Variants in SECISBP2L observed in about 807,000 individuals in gnomAD.
The protein encoded by SECISBP2L is SECIS binding protein 2 like, also known as selenocysteine insertion sequence-binding protein 2-like.
A neutral mutation model predicts 114.7 loss-of-function variants in SECISBP2L; 43 were observed. That is an observed-to-expected ratio of 0.38 (90% CI 0.29 to 0.48). The LOEUF (loss-of-function observed/expected upper bound fraction) is 0.48. Ranked by LOEUF, SECISBP2L falls within the 20% of genes least tolerant of loss-of-function variation. The pLI, the probability that SECISBP2L is intolerant of heterozygous loss-of-function variation, is 0.98. For synonymous variants in SECISBP2L, 451 were observed against 439.7 expected, an observed-to-expected ratio of 1.03 and a Z score of -0.32; for missense variants, 1,136 against 1,301.1, an observed-to-expected ratio of 0.87 and a Z score of 1.95.
chr15:49,001,310 T>C (rs1316938646), intron 14 of SECISBP2L, among the ~76,000 whole-genome samples: 1 of 152,352 alleles, frequency 6.6e-6, no homozygotes, highest in African/African-American at 2.4e-5. Flanking sequence ...GCATTTCAAA[T>C]AGATTTTTTT....
chr15:49,017,203 G>T, intron 9 of SECISBP2L, 188 bp from the exon 10 acceptor site: 1 of 615,524 alleles, frequency 1.6e-6, no homozygotes, highest in Non-Finnish European at 2.7e-6. Context: ...GGACAAAACA[G>T]CTTAATGCAG....
chr15:49,011,986 A>G, intron 12 of SECISBP2L, 123 bp from the exon 13 acceptor site: 2 of 1,096,560 alleles, frequency 1.8e-6, no homozygotes, highest in Non-Finnish European at 2.6e-6. Context: ...AAGTTTGGCT[A>G]ACTGGCAAAA....
intron 1 of SECISBP2L, among the ~76,000 whole-genome samples, chr15:49,045,159 GT>G (rs1414323903): frequency 1.3e-5 from 2 of 151,882 alleles, no homozygotes; most frequent in African/African-American, 2.4e-5. Context: ...TGTCTTCAGA[GT>G]TACATTCACA....
chr15:49,033,080 G>A lies in SECISBP2L; in HGVS notation c.549C>T (p.His183=), dbSNP rs1282028872. 46 of 1,613,262 alleles carry A rather than the reference G, an allele frequency of 2.9e-5. No individual in the cohort carries two copies. The highest frequency in any genetic ancestry group is 3.6e-5 in the Non-Finnish European group (42 of 1,179,880). The change falls in exon 4 of 18, where the codon CAC becomes CAT. Residue 183 remains histidine (H), a synonymous_variant. Transcript: ENST00000559471. ...TCACCAGCGGCCTTTTGCTTTTTATGTGCTGTTGTAAAAGCTGTTGCTGAT... is the reference window on the plus strand; with the variant it reads ...TCACCAGCGGCCTTTTGCTTTTTATATGCTGTTGTAAAAGCTGTTGCTGAT... The part of the protein sequence containing the change: ...VVPKQQLLQQ[H]IKSKRPLVKN...
rs750577722 is a variant in SECISBP2L at position 49,017,534 on chromosome 15, A to G, written c.1251+14T>C. 1 of 1,523,464 alleles carries G rather than the reference A, an allele frequency of 6.6e-7. No homozygotes were observed. Among genetic ancestry groups the G allele is most frequent in the Non-Finnish European group, 9.0e-7 (1 of 1,109,432 alleles). 94.4% of individuals were successfully genotyped at this position (1,523,464 alleles called of 1,614,324 possible). On this transcript the variant is annotated intron_variant, in intron 9 of 17. Coordinates refer to ENST00000559471, the MANE Select transcript of SECISBP2L (RefSeq NM_001193489.2). ...GATGTTATATTTTGCTTTTCTTTTTAAAGAGTTACTTACTACTTTAGAAGA... is the reference window on the plus strand; with the variant it reads ...GATGTTATATTTTGCTTTTCTTTTTGAAGAGTTACTTACTACTTTAGAAGA...
In SECISBP2L at chr15:48,992,562, CTCATCT is replaced by C. The variant is rs755597602; in HGVS notation, c.2982_2987del (p.Asp995_Glu996del). ...CATGAGTATAATCTTCCTCCTCCTC[CTCATCT>C]TCATCTTCTTCTTCTTCAAGCATGC... On this transcript the variant is annotated inframe_deletion, in exon 18 of 18. Transcript: ENST00000559471. 5.0e-6 allele frequency: 8 copies of C among 1,613,910 alleles called. No homozygotes were observed. In the East Asian group the frequency reaches 1.3e-4, roughly 27 times the overall value.
intron 14 of SECISBP2L, 122 bp downstream of exon 14, chr15:49,009,093 AG>A: frequency 3.0e-6 from 3 of 1,015,950 alleles, no homozygotes; most frequent in Admixed American, 2.6e-5. Context: ...AAAATCCGAA[AG>A]GAGTTAAAGA....
At chr15:49,032,832 T>G (rs1011680606) in intron 4 of SECISBP2L, 133 bp downstream of exon 4, 1 of 1,189,674 alleles carries the variant, frequency 8.4e-7, no homozygotes, top group Non-Finnish European at 1.2e-6. Context: ...TCCTAGAGAA[T>G]TTCACAAAGT....
rs1294492495 is a variant in SECISBP2L, at chr15:49,028,604, C to T, written c.743G>A (p.Arg248Lys). 1 of 1,614,158 alleles carries T rather than the reference C, an allele frequency of 6.2e-7. No homozygotes were observed. The highest frequency in any genetic ancestry group is 1.7e-5 in the Admixed American group (1 of 60,010). ...TTCAGCAGTAGGGTGGGATGCTCTTCTTCTCCTGCCCTTGGACTTCCAGAG... is the reference window on the plus strand; with the variant it reads ...TTCAGCAGTAGGGTGGGATGCTCTTTTTCTCCTGCCCTTGGACTTCCAGAG... Reference protein sequence around the residue: ...TMLWKSKGRRRRASHPTAESS... With the variant: ...TMLWKSKGRRKRASHPTAESS... The change falls in exon 5 of 18, where the codon AGA (arginine) becomes AAA (lysine). Residue 248 changes from arginine (R) to lysine (K), a missense_variant. Arg to Lys is a conservative substitution (Grantham distance 26). Around this residue, in one of 2 missense-constraint regions of SECISBP2L, gnomAD observed 452 missense variants for 452.3 expected, o/e 1.00. Coordinates refer to ENST00000559471, the MANE Select transcript of SECISBP2L (RefSeq NM_001193489.2).
At chr15:48,996,665 C>A in intron 16 of SECISBP2L, 79 bp from the exon 17 acceptor site, 1 of 1,267,802 alleles carries the variant, frequency 7.9e-7, no homozygotes. Context: ...AATATCTCTA[C>A]TGTTTGTTTC....
rs1221515928 is a variant in SECISBP2L, at chr15:49,012,851, A to G, written c.1562-34T>C. On this transcript the variant is annotated intron_variant, in intron 11 of 17. Transcript: ENST00000559471. ...AAAGAGGAACATTAGTTTCACCATT[A>G]GGGCCAATCCCACATACTTTCAAAA... 5 of 1,585,934 alleles carry G rather than the reference A, an allele frequency of 3.2e-6. No homozygotes were observed. The Admixed American group carries it at 5.7e-5, about 18-fold the overall frequency.
At chr15:49,039,980 A>G (rs900405338) in intron 1 of SECISBP2L, among the ~76,000 whole-genome samples, 3 of 152,182 alleles carry the variant, frequency 2.0e-5, no homozygotes, top group East Asian at 3.8e-4. Context: ...TCATAAATAA[A>G]TAATTTTAAA....
At chr15:49,040,829 C>T (rs1338105321) in intron 1 of SECISBP2L, among the ~76,000 whole-genome samples, 3 of 151,876 alleles carry the variant, frequency 2.0e-5, no homozygotes, top group East Asian at 1.9e-4. Context: ...TGAGCCACCG[C>T]GCCCGGCCGA....
chr15:48,993,100 AGTGTGTGTGTGTGTGTGT>A (rs71120653), intron 17 of SECISBP2L, among the ~76,000 whole-genome samples, 174 bp from the exon 18 acceptor site: 6 of 139,130 alleles, frequency 4.3e-5, no homozygotes, highest in East Asian at 2.1e-4. Context: ...ACAGAGAGAG[AGTGTGTGTGTGTGTGTGT>A]GTGTGTGTGT....
intron 7 of SECISBP2L, among the ~76,000 whole-genome samples, chr15:49,020,269 T>C (rs1902616424): frequency 1.3e-5 from 2 of 152,088 alleles, no homozygotes; most frequent in Admixed American, 1.3e-4. Flanking sequence ...TGCAGTGGCT[T>C]GATCATAGCT....
At chr15:49,006,576 G>A (rs184280369) in intron 14 of SECISBP2L, among the ~76,000 whole-genome samples, 12 of 152,058 alleles carry the variant, frequency 7.9e-5, no homozygotes, top group East Asian at 1.9e-4. Flanking sequence ...GGAAGTTCTC[G>A]TGCTGTTTTT....
intron 14 of SECISBP2L, among the ~76,000 whole-genome samples, chr15:49,007,953 G>A (rs973800094): frequency 2.0e-5 from 3 of 152,306 alleles, no homozygotes; most frequent in East Asian, 1.9e-4. Context: ...CAAAGCAAAT[G>A]AGTAGGGCTC....
At chr15:49,028,858 A>T (rs1353468599) in intron 4 of SECISBP2L, among the ~76,000 whole-genome samples, 176 bp from the exon 5 acceptor site, 2 of 152,116 alleles carry the variant, frequency 1.3e-5, no homozygotes, top group Non-Finnish European at 2.9e-5. Flanking sequence ...GTTGGTTCAT[A>T]ATGTTTTTTG....
chr15:48,991,939 A>C lies in SECISBP2L; in HGVS notation c.*305T>G, dbSNP rs559686078. The C allele has an allele frequency of 9.0e-6, 2 of 221,188 alleles. No individual in the cohort carries two copies. Among genetic ancestry groups the C allele is most frequent in the East Asian group, 2.0e-4 (2 of 10,032 alleles). 13.7% of individuals were successfully genotyped at this position (221,188 alleles called of 1,614,324 possible). A position where few individuals can be genotyped will look rare whatever the true frequency, so the allele number is the denominator to read the frequency against. ...CTTAGAACCTTGTTCTTTAACTTTC[A>C]AAATGTCTTTTAAGTAAGCATTTGA... On this transcript the variant is annotated 3_prime_UTR_variant, in exon 18 of 18. Coordinates refer to ENST00000559471, the MANE Select transcript of SECISBP2L (RefSeq NM_001193489.2).
Sources: gnomAD v4.1 joint callset for allele counts (sites outside exome capture counted in the v4.1 genomes callset) on GRCh38, gnomAD v4.1.1 for gene constraint, gnomAD v4.1.1 regional missense constraint, MANE v1.5 for transcripts, NCBI Gene and HGNC (gene_info 2026-07-23, HGNC 2026-07-21) for gene names.